The following KIF1A variants were observed in gnomAD, a reference collection of about 807,000 sequenced individuals.
KIF1A encodes kinesin-like protein KIF1A.
A neutral mutation model predicts 227.3 loss-of-function variants in KIF1A; 46 were observed. The ratio of observed to expected loss-of-function variants is 0.20; its 90% confidence interval spans 0.16 to 0.26. The LOEUF (loss-of-function observed/expected upper bound fraction) is 0.26. KIF1A is among the 10% of genes least tolerant of loss of function. The pLI is 1.00. For missense variants in KIF1A, 1,683 were observed against 2,485.9 expected (o/e 0.68, Z 6.87); for synonymous variants, 1,022 against 1,012.8 (o/e 1.01, Z -0.17).
rs956050124 is a variant in KIF1A, at chr2:240,723,999, G to A, written c.4294C>T (p.His1432Tyr). 4 of 1,612,452 alleles carry A rather than the reference G, an allele frequency of 2.5e-6. No homozygotes were observed. In the African/African-American group the frequency reaches 4.0e-5, roughly 16 times the overall value. The part of the protein sequence containing the change: ...VTGVYELSLC[H>Y]VADAGSPGMQ... ...CCTGGGCTGCCCGCGTCAGCCACGT[G>A]GCACAGGCTGAGCTCGTACACACCA... The change falls in exon 41 of 49, where the codon CAC becomes TAC. Residue 1432 changes from histidine (H) to tyrosine (Y), a missense_variant. This residue lies in a region of KIF1A where 759 missense variants were observed against 1,020.2 expected (regional missense o/e 0.74). Coordinates refer to ENST00000498729, the MANE Select transcript of KIF1A (RefSeq NM_001244008.2).
Position 240,757,619 on chromosome 2 carries a change from G to C in KIF1A, c.2583-25C>G, listed in dbSNP as rs1226843242. The C allele has an allele frequency of 5.9e-6, 9 of 1,531,494 alleles. No homozygotes were observed. The highest frequency in any genetic ancestry group is 2.0e-5 in the Admixed American group (1 of 50,246). The allele number at this position is 1,531,494 out of a possible 1,614,324, so 94.9% of individuals were successfully genotyped here. A position where few individuals can be genotyped will look rare whatever the true frequency, so the allele number is the denominator to read the frequency against. ...ACTGAGGTTAGTGCGACAAGACAGAGAGAAGTTAACACCAGCGACTCGCAG... is the reference window on the plus strand; with the variant it reads ...ACTGAGGTTAGTGCGACAAGACAGACAGAAGTTAACACCAGCGACTCGCAG... On this transcript the variant is annotated intron_variant, in intron 26 of 48. Coordinates refer to ENST00000498729, the MANE Select transcript of KIF1A (RefSeq NM_001244008.2). The surrounding 1 kb of genome is among the most constrained non-coding windows in gnomAD (Gnocchi z 6.2).
At chr2:240,718,923 A>G in intron 47 of KIF1A, 83 bp downstream of exon 47, 1 of 1,162,768 alleles carries the variant, frequency 8.6e-7, no homozygotes. Context: ...TCCTGCTCTG[A>G]CGCAGGGCTG....
chr2:240,777,951 C>T (rs2052998135), intron 10 of KIF1A, among the ~76,000 whole-genome samples: 1 of 152,134 alleles, frequency 6.6e-6, no homozygotes, highest in African/African-American at 2.4e-5. Context: ...GCGGTGCTTC[C>T]ACATGTCAGT....
At position 240,752,319 on chromosome 2, in the gene KIF1A, A is replaced by G. The variant is rs565390072; in HGVS notation, c.2859-1772T>C. Among the ~76,000 whole-genome samples, 2 of 152,120 alleles carry G rather than the reference A, an allele frequency of 1.3e-5. No homozygotes were observed. Among genetic ancestry groups the G allele is most frequent in the African/African-American group, 4.8e-5 (2 of 41,510 alleles). ...GGTTATGTCCAGAAGCGCCCATGGAAGCTCACCCTGGCCCTAGTCACGAGA... is the reference window on the plus strand; with the variant it reads ...GGTTATGTCCAGAAGCGCCCATGGAGGCTCACCCTGGCCCTAGTCACGAGA... On this transcript the variant is annotated intron_variant, in intron 27 of 48. Transcript: ENST00000498729. The surrounding 1 kb of genome is among the most constrained non-coding windows in gnomAD (Gnocchi z 6.4).
At chr2:240,820,723 G>A (rs973215953), upstream of KIF1A, among the ~76,000 whole-genome samples, 22 of 152,020 alleles carry the variant, frequency 1.4e-4, no homozygotes, top group Non-Finnish European at 2.5e-4. The surrounding 1 kb of genome is among the most constrained non-coding windows in gnomAD (Gnocchi z 6.2). Context: ...GCTGGCTCCG[G>A]GTGTAACAGG....
intron 2 of KIF1A, among the ~76,000 whole-genome samples, chr2:240,795,725 G>A (rs1392896704): frequency 6.6e-6 from 1 of 152,216 alleles, no homozygotes; most frequent in Non-Finnish European, 1.5e-5. Flanking sequence ...CAGGTCGGAG[G>A]CTGCAAGGGT....
chr2:240,816,224 GTGTT>G (rs2058308536), intron 1 of KIF1A, among the ~76,000 whole-genome samples: 1 of 152,028 alleles, frequency 6.6e-6, no homozygotes, highest in African/African-American at 2.4e-5. Flanking sequence ...GTGTGTATGT[GTGTT>G]TGTATGTGAA....
At chr2:240,786,796 G>C (rs4998257) in intron 5 of KIF1A, among the ~76,000 whole-genome samples, 1 of 58,200 alleles carries the variant, frequency 1.7e-5, no homozygotes, top group Non-Finnish European at 4.0e-5. Flanking sequence ...GTGAGGGGGT[G>C]GGGGCTGCCA....
intron 10 of KIF1A, chr2:240,782,143 T>C (rs2054121998): frequency 2.0e-6 from 2 of 985,076 alleles, no homozygotes; most frequent in Middle Eastern, 5.2e-4. Context: ...CGTGGCGCGC[T>C]CCGCGGCACC....
intron 38 of KIF1A, among the ~76,000 whole-genome samples, chr2:240,728,699 T>C (rs2046295246): frequency 6.6e-6 from 1 of 152,296 alleles, no homozygotes; most frequent in Admixed American, 6.5e-5. Context: ...GACAAAGGCC[T>C]GGAGGGATTT....
intron 25 of KIF1A, among the ~76,000 whole-genome samples, chr2:240,759,165 GTGTT>G (rs996028010): frequency 2.9e-4 from 41 of 139,074 alleles, no homozygotes; most frequent in Non-Finnish European, 5.8e-4. Context: ...GTGTGTGTGT[GTGTT>G]TGCATGAATG....
intron 17 of KIF1A, among the ~76,000 whole-genome samples, chr2:240,768,145 G>A (rs2051443221): frequency 1.3e-5 from 2 of 152,220 alleles, no homozygotes; most frequent in African/African-American, 2.4e-5. Flanking sequence ...GGTCCCCAGT[G>A]GTCCCACTTC....
chr2:240,799,568 G>A (rs2056769928), intron 1 of KIF1A, among the ~76,000 whole-genome samples: 1 of 152,240 alleles, frequency 6.6e-6, no homozygotes, highest in African/African-American at 2.4e-5. Context: ...CTCACAGCCA[G>A]GAGTGGCTGC....
intron 14 of KIF1A, 38 bp from the exon 15 acceptor site, chr2:240,771,142 G>A (rs1217765632): frequency 7.4e-6 from 12 of 1,612,716 alleles, no homozygotes; most frequent in East Asian, 4.5e-5. Context: ...TCACCGTCCC[G>A]CCACGGTTAA....
chr2:240,797,034 G>A (rs1465128797), intron 2 of KIF1A, among the ~76,000 whole-genome samples: 1 of 152,194 alleles, frequency 6.6e-6, no homozygotes, highest in East Asian at 1.9e-4. Flanking sequence ...CAGTGCAGCT[G>A]ACACCACTTG....
intron 20 of KIF1A, 58 bp downstream of exon 20, chr2:240,765,652 A>G: frequency 7.3e-7 from 1 of 1,374,424 alleles, no homozygotes; most frequent in Non-Finnish European, 1.0e-6. Flanking sequence ...ACATGGGAAC[A>G]GAGGCCTCGC....
rs183768567 is a variant in KIF1A, at chr2:240,720,089, C to G, written c.4869-163G>C. ...AGTGGGAGCTCCCGGGGCCCGTCCACCAGGATAGCCAAGCTTGTGCCCGAT... is the reference window on the plus strand; with the variant it reads ...AGTGGGAGCTCCCGGGGCCCGTCCAGCAGGATAGCCAAGCTTGTGCCCGAT... On this transcript the variant is annotated intron_variant, in intron 45 of 48. Coordinates refer to ENST00000498729, the MANE Select transcript of KIF1A (RefSeq NM_001244008.2). The G allele has an allele frequency of 7.0e-6, 4 of 572,510 alleles. No homozygotes were observed. The South Asian group carries it at 1.6e-4, about 22-fold the overall frequency. 35.5% of individuals were successfully genotyped at this position (572,510 alleles called of 1,614,324 possible).
At chr2:240,787,074 C>T (rs1264307457) in intron 5 of KIF1A, among the ~76,000 whole-genome samples, 177 bp downstream of exon 5, 1 of 152,170 alleles carries the variant, frequency 6.6e-6, no homozygotes, top group Admixed American at 6.5e-5. Context: ...TCACTCTGTG[C>T]TTTGGGGGTC....
intron 43 of KIF1A, 146 bp downstream of exon 43, chr2:240,722,310 C>T (rs1012429279): frequency 2.7e-6 from 2 of 745,706 alleles, no homozygotes; most frequent in Non-Finnish European, 4.3e-6. Flanking sequence ...GGCAAGGGGA[C>T]CCTAGGGACC....
Sources: gnomAD v4.1 joint callset for allele counts (sites outside exome capture counted in the v4.1 genomes callset) on GRCh38, gnomAD v4.1.1 for gene constraint, gnomAD v4.1.1 regional missense constraint, Gnocchi (gnomAD v3.1) non-coding constraint, MANE v1.5 for transcripts, NCBI Gene and HGNC (gene_info 2026-07-23, HGNC 2026-07-21) for gene names.